Variants in SH3D19 observed in about 807,000 individuals in gnomAD.
SH3D19 encodes the protein SH3 domain containing 19, also known as SH3 domain-containing protein 19.
Under a neutral mutation model 112.1 loss-of-function variants are expected in SH3D19, and 58 were observed. The observed-to-expected ratio is 0.52, with a 90% CI of 0.42 to 0.64. The LOEUF is 0.64. Among genes scored for constraint, SH3D19 ranks in the 30% least tolerant of loss-of-function variants. The probability of loss-of-function intolerance (pLI) is 0.00; values close to 1 mark genes in which losing one functional copy is unlikely to be tolerated. For synonymous variants in SH3D19, 391 were observed against 448.5 expected (o/e 0.87, Z 1.62); for missense variants, 1,090 against 1,263.4 (o/e 0.86, Z 2.08).
At chr4:151,189,957 T>C (rs1387034979) in intron 2 of SH3D19, among the ~76,000 whole-genome samples, 2 of 152,168 alleles carry the variant, frequency 1.3e-5, no homozygotes, top group Non-Finnish European at 2.9e-5. Flanking sequence ...CCTAGAGACT[T>C]GCTGAATGGC....
In SH3D19 at chr4:151,234,766, T is replaced by TTTTTTTG. The variant is rs374882479; in HGVS notation, c.113-8681_113-8680insCAAAAAA. The stretch of plus-strand genomic sequence containing the variant: ...TTTTTTTTTTTTTTTTTTTTTTTTT[T>TTTTTTTG]AGACAGGGGCTCACTCCGTCACTCA... On this transcript the variant is annotated intron_variant, in intron 1 of 19. Coordinates refer to ENST00000604030, the MANE Select transcript of SH3D19 (RefSeq NM_001378122.1). Among the ~76,000 whole-genome samples, 41 of 87,150 alleles carry TTTTTTTG rather than the reference T, an allele frequency of 4.7e-4. 4 individuals carry two copies. The highest frequency in any genetic ancestry group is 1.8e-3 in the African/African-American group (36 of 19,510). 57.2% of individuals were successfully genotyped at this position (87,150 alleles called of 152,430 possible).
chr4:151,205,032 G>A (rs901772012), intron 2 of SH3D19, among the ~76,000 whole-genome samples: 2 of 152,172 alleles, frequency 1.3e-5, no homozygotes, highest in East Asian at 3.9e-4. Flanking sequence ...TGTTGGCCGG[G>A]CTGGTCTCGA....
chr4:151,236,182 G>C (rs1190817528), intron 1 of SH3D19, among the ~76,000 whole-genome samples: 8 of 152,262 alleles, frequency 5.3e-5, no homozygotes, highest in South Asian at 4.1e-4. Context: ...CTGCGCTGTG[G>C]GGGCCCCTCT....
chr4:151,177,827 T>C (rs2149832177), intron 4 of SH3D19, among the ~76,000 whole-genome samples: 2 of 152,370 alleles, frequency 1.3e-5, no homozygotes, highest in Middle Eastern at 3.4e-3. Context: ...CAGGTTTGTA[T>C]ATGATTTGAT....
intron 1 of SH3D19, among the ~76,000 whole-genome samples, chr4:151,245,196 G>A (rs1770851887): frequency 6.6e-6 from 1 of 151,900 alleles, no homozygotes; most frequent in African/African-American, 2.4e-5. Context: ...TTGCTTAGGA[G>A]CTTTATCACT....
intron 19 of SH3D19, among the ~76,000 whole-genome samples, chr4:151,126,804 G>GAAAAAA (rs1221074463): frequency 3.6e-5 from 1 of 27,718 alleles, no homozygotes; most frequent in Non-Finnish European, 7.0e-5. Context: ...TCTCAAAAAA[G>GAAAAAA]AAAAAAAAAA....
At chr4:151,286,287 GAAAAT>G (rs1384526948) in intron 1 of SH3D19, among the ~76,000 whole-genome samples, 1 of 137,240 alleles carries the variant, frequency 7.3e-6, no homozygotes, top group African/African-American at 2.7e-5. Context: ...AGACAATAGA[GAAAAT>G]AAACAAAAGC....
At chr4:151,162,997 G>A (rs945563714) in intron 8 of SH3D19, among the ~76,000 whole-genome samples, 7 of 152,264 alleles carry the variant, frequency 4.6e-5, no homozygotes, top group Admixed American at 2.6e-4. Context: ...CTGGGAATCT[G>A]GAATTTTGGT....
chr4:151,183,569 G>A (rs959213399), intron 3 of SH3D19, among the ~76,000 whole-genome samples: 1 of 152,162 alleles, frequency 6.6e-6, no homozygotes, highest in Admixed American at 6.5e-5. Context: ...TTAACTCTGT[G>A]TGGAGCCAGG....
chr4:151,144,215 TTTACC>T, intron 11 of SH3D19, 165 bp from the exon 12 acceptor site: 3 of 1,612,656 alleles, frequency 1.9e-6, no homozygotes, highest in African/African-American at 2.7e-5. Flanking sequence ...AGAGCTCTAC[TTTACC>T]TTACAAGAGA....
intron 1 of SH3D19, among the ~76,000 whole-genome samples, chr4:151,288,173 T>C (rs1249141826): frequency 6.6e-6 from 1 of 152,090 alleles, no homozygotes; most frequent in African/African-American, 2.4e-5. Context: ...GCTAAAATAC[T>C]TCGTGGTAAA....
chr4:151,317,254 C>T (rs538633589), intron 1 of SH3D19, among the ~76,000 whole-genome samples: 25 of 152,310 alleles, frequency 1.6e-4, no homozygotes, highest in South Asian at 6.2e-4. Context: ...TAAACTATGT[C>T]GGAAGTTATT....
intron 1 of SH3D19, chr4:151,282,305 A>G: frequency 1.2e-6 from 2 of 1,613,888 alleles, no homozygotes; most frequent in Non-Finnish European, 1.7e-6. Flanking sequence ...CTCTCAAGTC[A>G]CCTTCACTTC....
At position 151,137,805 on chromosome 4, in the gene SH3D19, A is replaced by T; in HGVS notation, c.2354T>A (p.Ile785Lys). ...GTTCCCTCTGTACCAATCTGTATCT[A>T]TCTTCTCCAGAAGATAAACAATTTC... ...SGEIVYLLEK[I>K]DTDWYRGNCR... The change falls in exon 14 of 20, where the codon ATA becomes AAA. Residue 785 changes from isoleucine to lysine, a missense_variant. By Grantham distance (102) the Ile-to-Lys change is moderately radical. Coordinates refer to ENST00000604030, the MANE Select transcript of SH3D19 (RefSeq NM_001378122.1). 6.2e-7 allele frequency: 1 copy of T among 1,611,230 alleles called. No individual in the cohort carries two copies. Among genetic ancestry groups the T allele is most frequent in the Non-Finnish European group, 8.5e-7 (1 of 1,178,782 alleles).
chr4:151,305,113 A>G (rs1406809510), intron 1 of SH3D19, among the ~76,000 whole-genome samples: 3 of 152,368 alleles, frequency 2.0e-5, no homozygotes, highest in Admixed American at 6.5e-5. Context: ...AACCACAACC[A>G]TAACAAGCAG....
At chr4:151,252,526 G>C (rs772754260) in intron 1 of SH3D19, among the ~76,000 whole-genome samples, 2 of 152,066 alleles carry the variant, frequency 1.3e-5, no homozygotes, top group Non-Finnish European at 2.9e-5. Flanking sequence ...ATGAAACTTA[G>C]GTGGGCTCAA....
chr4:151,195,090 G>T (rs1218140321), intron 2 of SH3D19, among the ~76,000 whole-genome samples: 1 of 147,422 alleles, frequency 6.8e-6, no homozygotes, highest in African/African-American at 2.5e-5. Flanking sequence ...AAAAAAAAAG[G>T]TTGGGCGCGG....
chr4:151,206,772 C>T (rs74883557), intron 2 of SH3D19, among the ~76,000 whole-genome samples: 8,188 of 152,164 alleles, frequency 0.054, 343 homozygotes, highest in East Asian at 0.19. Flanking sequence ...TGGGTATGAA[C>T]AGGAAGTGCA....
At chr4:151,131,003 C>A (rs1260065878) in intron 17 of SH3D19, among the ~76,000 whole-genome samples, 2 of 151,864 alleles carry the variant, frequency 1.3e-5, no homozygotes, top group African/African-American at 4.8e-5. Context: ...AATCTCACTA[C>A]CTAGATGCAA....
Sources: gnomAD v4.1 joint callset for allele counts (sites outside exome capture counted in the v4.1 genomes callset) on GRCh38, gnomAD v4.1.1 for gene constraint, MANE v1.5 for transcripts, NCBI Gene and HGNC (gene_info 2026-07-23, HGNC 2026-07-21) for gene names.